CFH: variants seen among roughly 807,000 people sequenced by gnomAD.
CFH encodes the protein complement factor H, also known as H factor 1 (complement).
Under a neutral mutation model 147.3 loss-of-function variants are expected in CFH, and 53 were observed. The ratio of observed to expected loss-of-function variants is 0.36; its 90% CI spans 0.29 to 0.45. CFH has a LOEUF of 0.45. Among genes scored for constraint, CFH ranks in the 20% least tolerant of loss-of-function variants. The pLI is 1.00. For synonymous variants in CFH, 536 were observed against 489.4 expected (o/e 1.10, Z -1.26); for missense variants, 1,380 against 1,498.0 (o/e 0.92, Z 1.30).
intron 11 of CFH, among the ~76,000 whole-genome samples, chr1:196,717,761 T>C (rs1017691104): frequency 1.4e-4 from 22 of 152,076 alleles, no homozygotes; most frequent in African/African-American, 5.3e-4. Context: ...ACACATGACT[T>C]ACATAGTTGC....
chr1:196,701,512 G>A (rs1573042609), intron 9 of CFH: 1 of 839,500 alleles, frequency 1.2e-6, no homozygotes, highest in East Asian at 2.7e-5. Flanking sequence ...GCTCCTCCAG[G>A]CAGCCCAATG....
At chr1:196,676,788 A>C (rs371839889) in intron 4 of CFH, among the ~76,000 whole-genome samples, 1 of 152,078 alleles carries the variant, frequency 6.6e-6, no homozygotes, top group Admixed American at 6.6e-5. Context: ...AAATTGGAGG[A>C]AGAAGATTAA....
At chr1:196,732,353 TC>T (rs1558181387) in intron 15 of CFH, among the ~76,000 whole-genome samples, 1 of 152,018 alleles carries the variant, frequency 6.6e-6, no homozygotes, top group Non-Finnish European at 1.5e-5. Context: ...AAAAATACTT[TC>T]TACCTCTTTG....
intron 1 of CFH, among the ~76,000 whole-genome samples, chr1:196,657,582 T>A (rs1434895247): frequency 6.6e-6 from 1 of 152,206 alleles, no homozygotes; most frequent in Non-Finnish European, 1.5e-5. Flanking sequence ...ATCCCCTGTG[T>A]ATACCAAAGC....
In CFH at chr1:196,725,168, C is replaced by A. The variant is rs144696019; in HGVS notation, c.1744C>A (p.Arg582Ser). The change falls in exon 12 of 22, where the codon CGC (arginine) becomes AGC (serine). Residue 582 changes from arginine (R) to serine (S), a missense_variant. Physicochemically the swap from Arg to Ser is moderately radical, Grantham distance 110. Coordinates refer to ENST00000367429, the MANE Select transcript of CFH (RefSeq NM_000186.4). Reference protein sequence around the residue: ...PKIDVHLVPDRKKDQYKVGEV... With the variant: ...PKIDVHLVPDSKKDQYKVGEV... ...AATAGATGTACACTTAGTTCCTGAT[C>A]GCAAGAAAGACCAGTATAAAGTTGG... The A allele has an allele frequency of 6.2e-7, 1 of 1,613,694 alleles. No individual in the cohort carries two copies. The highest frequency in any genetic ancestry group is 8.5e-7 in the Non-Finnish European group (1 of 1,179,780).
At chr1:196,722,301 A>T (rs1334579089) in intron 11 of CFH, among the ~76,000 whole-genome samples, 1 of 152,082 alleles carries the variant, frequency 6.6e-6, no homozygotes, top group African/African-American at 2.4e-5. Flanking sequence ...GAAAGACTTT[A>T]TATATTCTTC....
At chr1:196,724,732 G>T (rs1182045909) in intron 11 of CFH, among the ~76,000 whole-genome samples, 5 of 152,220 alleles carry the variant, frequency 3.3e-5, no homozygotes, top group Admixed American at 1.3e-4. Flanking sequence ...TCCTTAGTCA[G>T]TCATCTTGTT....
chr1:196,689,635 C>G, intron 8 of CFH, 21 bp downstream of exon 8: 1 of 1,610,482 alleles, frequency 6.2e-7, no homozygotes, highest in Non-Finnish European at 8.5e-7. Flanking sequence ...CTCTGAACTG[C>G]TATATATATG....
chr1:196,653,552 G>A (rs1666576368), intron 1 of CFH, among the ~76,000 whole-genome samples: 1 of 151,854 alleles, frequency 6.6e-6, no homozygotes, highest in Admixed American at 6.6e-5. Flanking sequence ...TGTCATATAA[G>A]GGAGATTTGT....
chr1:196,659,271 T>A (rs1257285287), intron 1 of CFH, among the ~76,000 whole-genome samples: 5 of 152,196 alleles, frequency 3.3e-5, no homozygotes, highest in Non-Finnish European at 2.9e-5. Flanking sequence ...AAAAGTTATG[T>A]CACAAGATAT....
intron 9 of CFH, among the ~76,000 whole-genome samples, chr1:196,691,231 AC>A (rs1250044968): frequency 2.0e-5 from 3 of 151,954 alleles, no homozygotes; most frequent in African/African-American, 4.8e-5. Flanking sequence ...GAAAGTAAAT[AC>A]GATGATACCC....
intron 9 of CFH, among the ~76,000 whole-genome samples, chr1:196,711,636 A>G (rs1668724614): frequency 6.6e-6 from 1 of 151,972 alleles, no homozygotes; most frequent in Middle Eastern, 3.2e-3. Flanking sequence ...AGCTTTTAAA[A>G]AGCTTAAAAA....
At chr1:196,735,552 G>A (rs1389964136) in intron 15 of CFH, among the ~76,000 whole-genome samples, 3 of 151,778 alleles carry the variant, frequency 2.0e-5, no homozygotes, top group Non-Finnish European at 4.4e-5. Context: ...TAAAATCAAT[G>A]GGATACAGCT....
At position 196,728,414 on chromosome 1, in the gene CFH, A is replaced by G. The variant is rs1204919318; in HGVS notation, c.2305A>G (p.Lys769Glu). 1.9e-6 allele frequency: 3 copies of G among 1,607,594 alleles called. No individual in the cohort carries two copies. Among genetic ancestry groups the G allele is most frequent in the Non-Finnish European group, 2.6e-6 (3 of 1,175,522 alleles). ...ACTTGAGGAACATTTAAAAAACAAG[A>G]AGGAATTCGATCATAATTCTAACAT... ...IILEEHLKNK[K>E]EFDHNSNIRY... is the part of the protein sequence containing the mutation. Residue 769 changes from lysine (K) to glutamate (E), a missense_variant, in exon 15 of 22, where the codon AAG becomes GAG. By Grantham distance (56) the Lys-to-Glu change is moderately conservative. Coordinates refer to ENST00000367429, the MANE Select transcript of CFH (RefSeq NM_000186.4).
intron 1 of CFH, among the ~76,000 whole-genome samples, chr1:196,665,760 A>G (rs1667061994): frequency 6.6e-6 from 1 of 152,124 alleles, no homozygotes; most frequent in African/African-American, 2.4e-5. Flanking sequence ...GGCATGTGCC[A>G]CAACAGTTGG....
chr1:196,679,813 C>G lies in CFH; in HGVS notation c.790+20C>G. 1 of 1,599,992 alleles carries G rather than the reference C, an allele frequency of 6.3e-7. No individual in the cohort carries two copies. The highest frequency in any genetic ancestry group is 1.7e-4 in the Middle Eastern group (1 of 5,930). On this transcript the variant is annotated intron_variant, in intron 6 of 21. Transcript: ENST00000367429. ...GTGAAGGTAATGTTACCTTTATTTT[C>G]TGGATCTTTATAAATTTATCACATA...
At chr1:196,732,124 T>C (rs1465814983) in intron 15 of CFH, among the ~76,000 whole-genome samples, 1 of 152,072 alleles carries the variant, frequency 6.6e-6, no homozygotes, top group Non-Finnish European at 1.5e-5. Context: ...AATGCATACG[T>C]TATTCCACAT....
At chr1:196,708,040 A>G (rs1164531371) in intron 9 of CFH, among the ~76,000 whole-genome samples, 2 of 152,166 alleles carry the variant, frequency 1.3e-5, no homozygotes, top group Non-Finnish European at 2.9e-5. Flanking sequence ...ATTCTATGCC[A>G]TGCTAACATA....
chr1:196,714,635 G>GTATGTATATA (rs1553278044), intron 10 of CFH, among the ~76,000 whole-genome samples: 2 of 24,924 alleles, frequency 8.0e-5, no homozygotes, highest in Non-Finnish European at 1.4e-4. Flanking sequence ...ACGTATATAT[G>GTATGTATATA]TATATATATA....
Sources: gnomAD v4.1 joint callset for allele counts (sites outside exome capture counted in the v4.1 genomes callset) on GRCh38, gnomAD v4.1.1 for gene constraint, MANE v1.5 for transcripts, NCBI Gene and HGNC (gene_info 2026-07-23, HGNC 2026-07-21) for gene names.